RAPGEF2: variants seen among roughly 807,000 people sequenced by gnomAD.
RAPGEF2 encodes the protein PDZ domain containing guanine nucleotide exchange factor (GEF) 1.
A neutral mutation model predicts 186.7 loss-of-function variants in RAPGEF2; 54 were observed. The observed-to-expected ratio is 0.29, with a 90% CI of 0.23 to 0.36. The LOEUF (loss-of-function observed/expected upper bound fraction) is 0.36, where lower values mean the gene tolerates loss of function less well. Among genes scored for constraint, RAPGEF2 ranks in the 10% least tolerant of loss-of-function variants. The pLI is 1.00. For synonymous variants in RAPGEF2, 712 were observed against 705.9 expected (o/e 1.01, Z -0.14); for missense variants, 1,532 against 2,045.0 (o/e 0.75, Z 4.84).
intron 11 of RAPGEF2, among the ~76,000 whole-genome samples, chr4:159,325,704 A>G (rs148042612): frequency 6.6e-6 from 1 of 152,300 alleles, no homozygotes; most frequent in Non-Finnish European, 1.5e-5. Flanking sequence ...TATGCGGCAT[A>G]GAATTGTTTC....
At chr4:159,138,329 T>C (rs1241192476) in intron 1 of RAPGEF2, among the ~76,000 whole-genome samples, 1 of 152,208 alleles carries the variant, frequency 6.6e-6, no homozygotes, top group African/African-American at 2.4e-5. Context: ...AGTAGAAAAG[T>C]ATAAAGCTCA....
chr4:159,285,034 G>A (rs1270288312), intron 7 of RAPGEF2, among the ~76,000 whole-genome samples: 1 of 152,114 alleles, frequency 6.6e-6, no homozygotes. Flanking sequence ...GGGAGACCCT[G>A]TCTCAAAAAA....
chr4:159,354,626 A>G (rs898368163), intron 28 of RAPGEF2, among the ~76,000 whole-genome samples: 1 of 152,218 alleles, frequency 6.6e-6, no homozygotes, highest in African/African-American at 2.4e-5. Flanking sequence ...CTGTTTTGCC[A>G]CTTTATTAGT....
chr4:159,191,500 G>T (rs1386034185), intron 2 of RAPGEF2, among the ~76,000 whole-genome samples: 1 of 152,154 alleles, frequency 6.6e-6, no homozygotes, highest in Non-Finnish European at 1.5e-5. Context: ...CAGCACTGTG[G>T]GAGGCCAAGG....
intron 26 of RAPGEF2, chr4:159,351,312 T>TC (rs1273520485): frequency 1.1e-5 from 11 of 1,043,282 alleles, no homozygotes; most frequent in African/African-American, 8.1e-5. Context: ...CTTTTTTTTT[T>TC]TTAAGCAGAC....
intron 7 of RAPGEF2, among the ~76,000 whole-genome samples, chr4:159,288,940 A>G (rs894822427): frequency 3.3e-5 from 5 of 152,178 alleles, no homozygotes; most frequent in African/African-American, 1.2e-4. Context: ...TTCTCAGAGC[A>G]GCCTTCTCAG....
chr4:159,344,814 T>C (rs1730056416), intron 23 of RAPGEF2, among the ~76,000 whole-genome samples: 1 of 152,356 alleles, frequency 6.6e-6, no homozygotes, highest in Admixed American at 6.5e-5. Context: ...TAATTATTGT[T>C]TTCTGGCACC....
intron 9 of RAPGEF2, among the ~76,000 whole-genome samples, chr4:159,321,476 A>G (rs1208379344): frequency 6.6e-6 from 1 of 152,124 alleles, no homozygotes; most frequent in Non-Finnish European, 1.5e-5. Context: ...CCAAAATGTT[A>G]GGATTACAGG....
At chr4:159,139,662 A>G (rs1208072645) in intron 1 of RAPGEF2, among the ~76,000 whole-genome samples, 3 of 152,156 alleles carry the variant, frequency 2.0e-5, no homozygotes, top group Non-Finnish European at 2.9e-5. Context: ...TTACGGGGAT[A>G]TTAAGCTCAA....
chr4:159,144,550 G>T (rs1433091699), intron 1 of RAPGEF2, among the ~76,000 whole-genome samples: 1 of 152,186 alleles, frequency 6.6e-6, no homozygotes, highest in African/African-American at 2.4e-5. Context: ...AATGGTCTCA[G>T]TTCAGTTTAT....
intron 3 of RAPGEF2, among the ~76,000 whole-genome samples, chr4:159,209,722 A>G (rs1231181728): frequency 1.3e-5 from 2 of 152,252 alleles, no homozygotes; most frequent in African/African-American, 2.4e-5. Context: ...CAGTTTGACA[A>G]TACCTAAGAA....
chr4:159,294,626 C>G (rs1033949264), intron 7 of RAPGEF2, among the ~76,000 whole-genome samples: 1 of 149,686 alleles, frequency 6.7e-6, no homozygotes, highest in African/African-American at 2.5e-5. Flanking sequence ...GCTCTTTGAG[C>G]TTCCATTTCT....
intron 1 of RAPGEF2, among the ~76,000 whole-genome samples, chr4:159,182,800 G>A (rs1207869627): frequency 6.6e-6 from 1 of 152,050 alleles, no homozygotes; most frequent in Non-Finnish European, 1.5e-5. Flanking sequence ...AGTTGTAATT[G>A]TTCATAAGTG....
intron 1 of RAPGEF2, among the ~76,000 whole-genome samples, chr4:159,183,720 TAAACC>T (rs1272476757): frequency 6.6e-6 from 1 of 152,178 alleles, no homozygotes; most frequent in Admixed American, 6.5e-5. Context: ...AAAAGACAGA[TAAACC>T]AATTAAAATA....
intron 1 of RAPGEF2, 36 bp downstream of exon 1, chr4:159,104,267 T>G: frequency 9.0e-7 from 1 of 1,106,894 alleles, no homozygotes; most frequent in East Asian, 1.2e-4. Context: ...TTGGCCGGAT[T>G]TCTGCCTCGC....
chr4:159,188,620 C>T (rs1280574185), intron 2 of RAPGEF2, among the ~76,000 whole-genome samples: 1 of 144,930 alleles, frequency 6.9e-6, no homozygotes, highest in African/African-American at 2.6e-5. Context: ...GCAGAAATCG[C>T]ACCACCGCAC....
intron 7 of RAPGEF2, among the ~76,000 whole-genome samples, chr4:159,256,980 T>C (rs746302186): frequency 6.6e-6 from 1 of 152,184 alleles, no homozygotes; most frequent in Non-Finnish European, 1.5e-5. Flanking sequence ...TTCTCTCCCA[T>C]TCTGTAGGTT....
chr4:159,296,157 A>C (rs1762002473), intron 7 of RAPGEF2, among the ~76,000 whole-genome samples: 1 of 152,206 alleles, frequency 6.6e-6, no homozygotes, highest in Admixed American at 6.5e-5. Context: ...GTTGTTGTAA[A>C]GAACTTGCAA....
At chr4:159,294,809 T>C (rs1761729708) in intron 7 of RAPGEF2, among the ~76,000 whole-genome samples, 1 of 152,152 alleles carries the variant, frequency 6.6e-6, no homozygotes, top group African/African-American at 2.4e-5. Flanking sequence ...GCTATTCTCG[T>C]GCCTCAGCCT....
Sources: gnomAD v4.1 joint callset for allele counts (sites outside exome capture counted in the v4.1 genomes callset) on GRCh38, gnomAD v4.1.1 for gene constraint, MANE v1.5 for transcripts, NCBI Gene and HGNC (gene_info 2026-07-23, HGNC 2026-07-21) for gene names.